The following E2F3 variants were observed in gnomAD, a reference collection of about 807,000 sequenced individuals.
E2F3 encodes transcription factor E2F3.
In E2F3, 11 loss-of-function variants were observed where a neutral mutation model predicts 44.4. That is an observed-to-expected ratio of 0.25 (90% CI 0.16 to 0.41). The LOEUF is 0.41. E2F3 is among the 10% of genes least tolerant of loss of function. E2F3 has a pLI of 1.00. For synonymous variants in E2F3, 249 were observed against 253.0 expected (o/e 0.98, Z 0.15); for missense variants, 487 against 583.6 (o/e 0.83, Z 1.70).
intron 1 of E2F3, among the ~76,000 whole-genome samples, chr6:20,426,842 T>C (rs1205350682): frequency 6.6e-6 from 1 of 152,238 alleles, no homozygotes; most frequent in Non-Finnish European, 1.5e-5. Flanking sequence ...CCTGGCTTTT[T>C]CCATTCTTGA....
Position 20,423,690 on chromosome 6 carries a change from C to T in E2F3, c.393+21065C>T, listed in dbSNP as rs369202827. Among the ~76,000 whole-genome samples the T allele has an allele frequency of 1.2e-4, 18 of 152,134 alleles. No individual in the cohort carries two copies. The South Asian group carries it at 3.5e-3, about 30-fold the overall frequency. ...TTTGCCATGTTGGCCAGGCTGGTCT[C>T]GAACTCCTCACGTCGTGATCTGCCT... On this transcript the variant is annotated intron_variant, in intron 1 of 6. Transcript: ENST00000346618.
At chr6:20,405,970 T>G (rs1275932441) in intron 1 of E2F3, among the ~76,000 whole-genome samples, 1 of 152,214 alleles carries the variant, frequency 6.6e-6, no homozygotes, top group Non-Finnish European at 1.5e-5. Context: ...ATTTTGAATT[T>G]TGTTGATATT....
In E2F3 at chr6:20,429,623, A is replaced by G. The variant is rs139742124; in HGVS notation, c.393+26998A>G. Among the ~76,000 whole-genome samples the G allele has an allele frequency of 5.3e-5, 8 of 152,306 alleles. No individual in the cohort carries two copies. The East Asian group carries it at 1.4e-3, about 26-fold the overall frequency. ...CCATTTCTCAAACTAAGAGAAGGAC[A>G]AAGTTGGAGAGGAAACTGTTTCTGT... On this transcript the variant is annotated intron_variant, in intron 1 of 6. Transcript: ENST00000346618.
intron 1 of E2F3, among the ~76,000 whole-genome samples, chr6:20,425,688 G>C (rs1271149080): frequency 6.6e-6 from 1 of 152,154 alleles, no homozygotes; most frequent in African/African-American, 2.4e-5. Context: ...GTGAGCCACT[G>C]CGCCCGGCCC....
At chr6:20,408,145 A>T (rs1759551672) in intron 1 of E2F3, among the ~76,000 whole-genome samples, 1 of 152,248 alleles carries the variant, frequency 6.6e-6, no homozygotes, top group Admixed American at 6.5e-5. Flanking sequence ...CATGGGACTT[A>T]ACAATGGAAG....
intron 1 of E2F3, among the ~76,000 whole-genome samples, chr6:20,463,799 T>C (rs1292691608): frequency 4.6e-5 from 7 of 152,186 alleles, no homozygotes; most frequent in Non-Finnish European, 1.0e-4. Flanking sequence ...TACCCAGAGA[T>C]AGCGTCAGAT....
At chr6:20,462,444 A>G (rs1183267486) in intron 1 of E2F3, among the ~76,000 whole-genome samples, 1 of 148,902 alleles carries the variant, frequency 6.7e-6, no homozygotes, top group South Asian at 2.1e-4. Context: ...ATGCCTGTAC[A>G]TATTTCACTA....
intron 1 of E2F3, among the ~76,000 whole-genome samples, chr6:20,418,255 C>T (rs1048586598): frequency 1.3e-5 from 2 of 152,152 alleles, no homozygotes; most frequent in South Asian, 2.1e-4. Context: ...TCCATATAGT[C>T]GAGTTTTGTA....
chr6:20,475,261 G>T (rs1326101334), intron 1 of E2F3, among the ~76,000 whole-genome samples: 1 of 152,214 alleles, frequency 6.6e-6, no homozygotes, highest in Non-Finnish European at 1.5e-5. Context: ...TACACATGAA[G>T]ACTAGTCCCG....
rs1762055965 is a variant in E2F3 at position 20,476,675 on chromosome 6, A to C, written c.394-3171A>C. Among the ~76,000 whole-genome samples the C allele has an allele frequency of 2.0e-5, 3 of 151,558 alleles. No individual in the cohort carries two copies. The South Asian group carries it at 6.3e-4, about 32-fold the overall frequency. On this transcript the variant is annotated intron_variant, in intron 1 of 6. Transcript: ENST00000346618. ...TCCAGCCTTGGTCATAAGCCATTCAACCTGTTCGCGGTGGGGGCGGGGAGG... is the reference window on the plus strand; with the variant it reads ...TCCAGCCTTGGTCATAAGCCATTCACCCTGTTCGCGGTGGGGGCGGGGAGG...
chr6:20,411,407 C>T (rs761813827), intron 1 of E2F3, among the ~76,000 whole-genome samples: 1 of 152,044 alleles, frequency 6.6e-6, no homozygotes. Context: ...TTCTCATCTC[C>T]TCACCCCTCC....
chr6:20,406,742 C>T (rs942579129), intron 1 of E2F3, among the ~76,000 whole-genome samples: 1 of 152,174 alleles, frequency 6.6e-6, no homozygotes. Flanking sequence ...GACCTGCCAA[C>T]TTTTGGGTGC....
At chr6:20,467,590 C>A (rs948016340) in intron 1 of E2F3, among the ~76,000 whole-genome samples, 2 of 152,174 alleles carry the variant, frequency 1.3e-5, no homozygotes, top group African/African-American at 4.8e-5. Flanking sequence ...GATGTCGCTG[C>A]ATAATTTTTC....
chr6:20,438,633 C>T (rs1403370654), intron 1 of E2F3, among the ~76,000 whole-genome samples: 3 of 152,210 alleles, frequency 2.0e-5, no homozygotes, highest in African/African-American at 4.8e-5. Context: ...ACAGTACAAT[C>T]ACCACCTTAA....
In E2F3 at chr6:20,490,254, C is replaced by A; in HGVS notation, c.1222C>A (p.Gln408Lys). 1 of 1,614,188 alleles carries A rather than the reference C, an allele frequency of 6.2e-7. No individual in the cohort carries two copies. The highest frequency in any genetic ancestry group is 2.2e-5 in the East Asian group (1 of 44,876). ...SPLASPANLL[Q>K]QTEDQIPSNL... ...TCTGGCCTCCCCAGCCAACCTCTTA[C>A]AGCAGACTGAGGACCAAATTCCTTC... The change falls in exon 7 of 7, where the codon CAG (glutamine) becomes AAG (lysine). Residue 408 changes from glutamine (Q) to lysine (K), a missense_variant. Coordinates refer to ENST00000346618, the MANE Select transcript of E2F3 (RefSeq NM_001949.5). The surrounding 1 kb of genome is among the most constrained non-coding windows in gnomAD (Gnocchi z 4.3).
At chr6:20,425,949 T>C (rs927903634) in intron 1 of E2F3, among the ~76,000 whole-genome samples, 4 of 152,230 alleles carry the variant, frequency 2.6e-5, no homozygotes, top group Admixed American at 2.6e-4. Context: ...TTGGAGAAGT[T>C]TGAAGCAGCC....
chr6:20,404,564 A>G (rs1411367723), intron 1 of E2F3, among the ~76,000 whole-genome samples: 2 of 152,232 alleles, frequency 1.3e-5, no homozygotes, highest in African/African-American at 4.8e-5. Context: ...AAGTCAGCAC[A>G]TAGGCAGCAC....
At chr6:20,409,138 G>A (rs975338555) in intron 1 of E2F3, among the ~76,000 whole-genome samples, 2 of 152,188 alleles carry the variant, frequency 1.3e-5, no homozygotes, top group Admixed American at 1.3e-4. Flanking sequence ...TGTGTCTCAT[G>A]AACCCTATAT....
At chr6:20,454,930 G>C (rs1238454295) in intron 1 of E2F3, among the ~76,000 whole-genome samples, 1 of 152,078 alleles carries the variant, frequency 6.6e-6, no homozygotes, top group Non-Finnish European at 1.5e-5. Flanking sequence ...CAACTACCCG[G>C]GCCAAATCCA....
Sources: allele counts gnomAD v4.1 joint callset (sites outside exome capture counted in the v4.1 genomes callset), GRCh38; gene constraint gnomAD v4.1.1; non-coding constraint Gnocchi (gnomAD v3.1); transcripts MANE v1.5; gene names NCBI Gene and HGNC (gene_info 2026-07-23, HGNC 2026-07-21).